Variants in RBFOX1 observed in about 807,000 individuals in gnomAD.
RBFOX1 encodes the protein RNA binding fox-1 homolog 1.
A neutral mutation model predicts 57.7 loss-of-function variants in RBFOX1; 8 were observed. The ratio of observed to expected loss-of-function variants is 0.14; its 90% CI spans 0.08 to 0.25. The LOEUF (loss-of-function observed/expected upper bound fraction) is 0.25, where lower values mean the gene tolerates loss of function less well. Ranked by LOEUF, RBFOX1 falls within the 10% of genes least tolerant of loss-of-function variation. RBFOX1 has a pLI of 1.00. For synonymous variants in RBFOX1, 326 were observed against 222.4 expected (o/e 1.47, Z -4.15); for missense variants, 611 against 548.5 (o/e 1.11, Z -1.14).
chr16:5,662,931 A>C (rs1350619627), intron 3 of RBFOX1, among the ~76,000 whole-genome samples: 1 of 152,238 alleles, frequency 6.6e-6, no homozygotes, highest in Non-Finnish European at 1.5e-5. Context: ...ATAGTGCTTA[A>C]CACATAGTAG....
At chr16:6,066,069 G>A (rs1198783288) in intron 1 of RBFOX1, among the ~76,000 whole-genome samples, 1 of 152,100 alleles carries the variant, frequency 6.6e-6, no homozygotes, top group Admixed American at 6.6e-5. Context: ...GCCGAGGAGG[G>A]TGGATCATGA....
chr16:6,944,269 C>T (rs920378060), intron 3 of RBFOX1, among the ~76,000 whole-genome samples: 18 of 152,070 alleles, frequency 1.2e-4, no homozygotes, highest in African/African-American at 3.6e-4. Flanking sequence ...GTGGTGGGCG[C>T]CTGTAATCCC....
At chr16:6,166,304 G>A (rs949312651) in intron 1 of RBFOX1, among the ~76,000 whole-genome samples, 6 of 152,110 alleles carry the variant, frequency 3.9e-5, no homozygotes, top group East Asian at 3.9e-4. Context: ...TCCAAATGAC[G>A]GGGACCAAGC....
intron 2 of RBFOX1, among the ~76,000 whole-genome samples, chr16:6,528,610 A>G (rs1193549732): frequency 6.6e-6 from 1 of 152,142 alleles, no homozygotes; most frequent in East Asian, 1.9e-4. Context: ...ACGATTTTAA[A>G]ATGACATCTT....
intron 1 of RBFOX1, among the ~76,000 whole-genome samples, chr16:5,307,708 C>G (rs1338514255): frequency 6.6e-6 from 1 of 152,332 alleles, no homozygotes; most frequent in Middle Eastern, 3.4e-3. Flanking sequence ...CACGGTCTCA[C>G]TCTGTCCCCC....
At chr16:7,620,958 T>C (rs908168058) in intron 10 of RBFOX1, among the ~76,000 whole-genome samples, 1 of 152,016 alleles carries the variant, frequency 6.6e-6, no homozygotes, top group Non-Finnish European at 1.5e-5. Flanking sequence ...GTACATGAGG[T>C]TCCTATGTAA....
intron 1 of RBFOX1, among the ~76,000 whole-genome samples, chr16:6,115,262 A>T (rs1437959232): frequency 6.6e-6 from 1 of 152,222 alleles, no homozygotes; most frequent in Non-Finnish European, 1.5e-5. Flanking sequence ...AATAGTTGGC[A>T]TAATGTGGAG....
intron 1 of RBFOX1, among the ~76,000 whole-genome samples, chr16:6,304,723 A>C (rs1203746706): frequency 2.0e-5 from 3 of 151,900 alleles, no homozygotes; most frequent in Non-Finnish European, 2.9e-5. Context: ...TCTCTCTACC[A>C]AAAATACAAA....
intron 2 of RBFOX1, among the ~76,000 whole-genome samples, chr16:5,475,623 TA>T (rs2069294379): frequency 6.6e-6 from 1 of 152,234 alleles, no homozygotes; most frequent in Non-Finnish European, 1.5e-5. Context: ...GTGCTGTGCT[TA>T]AGCACCACAT....
intron 3 of RBFOX1, among the ~76,000 whole-genome samples, chr16:6,655,356 A>C (rs2098640890): frequency 7.7e-6 from 1 of 129,320 alleles, no homozygotes; most frequent in Admixed American, 9.0e-5. Flanking sequence ...CCTGAGTGAC[A>C]AAATAAGCCT....
intron 4 of RBFOX1, among the ~76,000 whole-genome samples, chr16:5,874,941 G>A (rs1052281956): frequency 3.9e-5 from 6 of 152,154 alleles, no homozygotes; most frequent in East Asian, 1.9e-4. Flanking sequence ...GCAAGACCCC[G>A]TCCCCCATAA....
At chr16:7,341,851 C>A (rs1419571695) in intron 4 of RBFOX1, among the ~76,000 whole-genome samples, 1 of 149,064 alleles carries the variant, frequency 6.7e-6, no homozygotes, top group Non-Finnish European at 1.5e-5. Context: ...AAGATGACAG[C>A]AGGAGCTCCT....
chr16:6,597,022 A>C (rs1030215972), intron 2 of RBFOX1, among the ~76,000 whole-genome samples: 5 of 152,138 alleles, frequency 3.3e-5, no homozygotes, highest in African/African-American at 7.2e-5. Flanking sequence ...TTTCTTATCA[A>C]CTTGGTAAAG....
chr16:5,669,441 G>A (rs1182764743), intron 3 of RBFOX1, among the ~76,000 whole-genome samples: 3 of 24,834 alleles, frequency 1.2e-4, no homozygotes, highest in Admixed American at 6.5e-4. Flanking sequence ...TTTTTTTTTT[G>A]GAGACAGAGT....
chr16:6,683,357 G>C (rs995951232), intron 3 of RBFOX1, among the ~76,000 whole-genome samples: 13 of 151,994 alleles, frequency 8.6e-5, no homozygotes, highest in African/African-American at 2.4e-4. Flanking sequence ...AATATTCTTA[G>C]GTGTGATTCA....
At chr16:6,496,007 A>G (rs1211059157) in intron 2 of RBFOX1, among the ~76,000 whole-genome samples, 2 of 152,246 alleles carry the variant, frequency 1.3e-5, no homozygotes, top group Admixed American at 1.3e-4. Context: ...GTGTAAAGCC[A>G]TCTGTTGCAG....
chr16:7,109,761 C>G (rs552713025), intron 4 of RBFOX1, among the ~76,000 whole-genome samples: 1 of 152,144 alleles, frequency 6.6e-6, no homozygotes, highest in Non-Finnish European at 1.5e-5. Context: ...CGAGATGACT[C>G]CTTTGAGCAA....
At chr16:6,306,694 GT>G (rs1167901630) in intron 1 of RBFOX1, among the ~76,000 whole-genome samples, 1 of 152,134 alleles carries the variant, frequency 6.6e-6, no homozygotes, top group East Asian at 1.9e-4. Flanking sequence ...AAACAATTTT[GT>G]GCAATGCCTG....
intron 2 of RBFOX1, among the ~76,000 whole-genome samples, chr16:6,510,378 G>C (rs945426379): frequency 6.6e-5 from 10 of 152,134 alleles, no homozygotes; most frequent in East Asian, 5.8e-4. Context: ...CCAACTCCCA[G>C]TTTCCCGATG....
Sources: gnomAD v4.1 joint callset for allele counts (sites outside exome capture counted in the v4.1 genomes callset) on GRCh38, gnomAD v4.1.1 for gene constraint, MANE v1.5 for transcripts, NCBI Gene and HGNC (gene_info 2026-07-23, HGNC 2026-07-21) for gene names.